The following KCNQ2 variants were observed in gnomAD, a reference collection of about 807,000 sequenced individuals.
The protein encoded by KCNQ2 is potassium voltage-gated channel subfamily KQT member 2.
In KCNQ2, 14 loss-of-function variants were observed where a neutral mutation model predicts 84.8. That is an observed-to-expected ratio of 0.17 (90% CI 0.11 to 0.26). The LOEUF (loss-of-function observed/expected upper bound fraction) is 0.26. Ranked by LOEUF, KCNQ2 falls within the 10% of genes least tolerant of loss-of-function variation. The pLI is 1.00. For synonymous variants in KCNQ2, 599 were observed against 554.1 expected (o/e 1.08, Z -1.14); for missense variants, 788 against 1,254.0 (o/e 0.63, Z 5.61).
At chr20:63,468,086 C>T (rs2062473340) in intron 1 of KCNQ2, among the ~76,000 whole-genome samples, 1 of 152,174 alleles carries the variant, frequency 6.6e-6, no homozygotes, top group African/African-American at 2.4e-5. Context: ...AGTAATTTCA[C>T]TTTAAATTAT....
At chr20:63,434,523 C>G (rs2080930867) in intron 7 of KCNQ2, 1 of 152,324 alleles carries the variant, frequency 6.6e-6, no homozygotes, top group Non-Finnish European at 1.5e-5. Context: ...GCTGTGCGAC[C>G]ACTGCCCCTA....
intron 8 of KCNQ2, among the ~76,000 whole-genome samples, chr20:63,432,152 C>T (rs1341734772): frequency 6.8e-6 from 1 of 146,092 alleles, no homozygotes; most frequent in African/African-American, 2.6e-5. Context: ...ACAGGGAAGG[C>T]CCCACCCTCA....
intron 1 of KCNQ2, among the ~76,000 whole-genome samples, chr20:63,458,757 G>A (rs1337746312): frequency 6.6e-6 from 1 of 152,218 alleles, no homozygotes; most frequent in East Asian, 1.9e-4. Context: ...CCAAGACCCT[G>A]CCCTGGCCAA....
chr20:63,409,332 T>C (rs2080043828), intron 15 of KCNQ2, among the ~76,000 whole-genome samples: 1 of 152,216 alleles, frequency 6.6e-6, no homozygotes. Context: ...TGTGTGTGTG[T>C]AGGATGCAGA....
At chr20:63,426,656 A>C (rs919333993) in intron 10 of KCNQ2, among the ~76,000 whole-genome samples, 2 of 152,094 alleles carry the variant, frequency 1.3e-5, no homozygotes, top group Non-Finnish European at 2.9e-5. Flanking sequence ...ATCCCAGTTC[A>C]TCACTTAAAA....
At chr20:63,468,130 G>A (rs901440211) in intron 1 of KCNQ2, among the ~76,000 whole-genome samples, 10 of 152,182 alleles carry the variant, frequency 6.6e-5, no homozygotes, top group African/African-American at 1.4e-4. Flanking sequence ...GAGGAAGCCC[G>A]AGACCTCCCA....
chr20:63,416,837 CG>C (rs1263901956), intron 12 of KCNQ2, among the ~76,000 whole-genome samples: 1 of 152,154 alleles, frequency 6.6e-6, no homozygotes, highest in Non-Finnish European at 1.5e-5. Context: ...CCTGGACACG[CG>C]GATCGCTTGG....
chr20:63,406,536 CCA>C lies in KCNQ2; in HGVS notation c.*106_*107del. ...GCCCCTCCAGGGCCCACCCTTCCCG[CCA>C]CACTCAGTTACTGTAAGAAAAGGGC... is the stretch of plus-strand genomic sequence containing the variant. On this transcript the variant is annotated 3_prime_UTR_variant, in exon 17 of 17. Transcript: ENST00000359125. 7.5e-7 allele frequency: 1 copy of C among 1,334,124 alleles called. No individual in the cohort carries two copies. Among genetic ancestry groups the C allele is most frequent in the Non-Finnish European group, 9.9e-7 (1 of 1,005,652 alleles). The allele number at this position is 1,334,124 out of a possible 1,614,324, so 82.6% of individuals were successfully genotyped here. A position where few individuals can be genotyped will look rare whatever the true frequency, so the allele number is the denominator to read the frequency against.
chr20:63,408,664 G>A lies in KCNQ2; in HGVS notation c.1764-128C>T. ...AGGCTCAGCCCAGAGCCGACCAGGG[G>A]GCAGTGGGTGCCAGGACAGATGGAC... is the stretch of plus-strand genomic sequence containing the variant. On this transcript the variant is annotated intron_variant, in intron 15 of 16. Coordinates refer to ENST00000359125, the MANE Select transcript of KCNQ2 (RefSeq NM_172107.4). This position sits in a 1 kb window ranked among gnomAD's most constrained non-coding sequence, Gnocchi z 5.0. The A allele has an allele frequency of 1.4e-6, 2 of 1,406,166 alleles. No homozygotes were observed. Among genetic ancestry groups the A allele is most frequent in the Non-Finnish European group, 9.7e-7 (1 of 1,028,454 alleles). 87.1% of individuals were successfully genotyped at this position (1,406,166 alleles called of 1,614,324 possible).
chr20:63,430,083 G>A (rs1478179936), intron 9 of KCNQ2, among the ~76,000 whole-genome samples: 2 of 152,236 alleles, frequency 1.3e-5, no homozygotes, highest in Non-Finnish European at 2.9e-5. Context: ...CCACACGCAC[G>A]CAGGCCCAGG....
chr20:63,444,480 C>A (rs778041399), intron 4 of KCNQ2, among the ~76,000 whole-genome samples, 179 bp downstream of exon 4: 1 of 152,156 alleles, frequency 6.6e-6, no homozygotes, highest in Non-Finnish European at 1.5e-5. Flanking sequence ...GAAGAAGCAC[C>A]GAGAAGAAAG....
At position 63,402,558 on chromosome 20, in the gene KCNQ2, TC is replaced by T. The variant is rs2145452218; in HGVS notation, c.*4085del. On this transcript the variant is annotated 3_prime_UTR_variant, in exon 17 of 17. Transcript: ENST00000359125. ...AGCCCAGCTGGAGTCCTCCTCCCCT[TC>T]TCTCCGGCAGCAGGTCTCTCTGGCA... is the stretch of plus-strand genomic sequence containing the variant. 6.6e-6 allele frequency: 1 copy of T among 152,618 alleles called. No homozygotes were observed. Among genetic ancestry groups the T allele is most frequent in the Admixed American group, 6.5e-5 (1 of 15,310 alleles). 9.5% of individuals were successfully genotyped at this position (152,618 alleles called of 1,614,324 possible).
At chr20:63,442,902 CCACCACCAT>C (rs2081248417) in intron 4 of KCNQ2, among the ~76,000 whole-genome samples, 2 of 24,258 alleles carry the variant, frequency 8.2e-5, no homozygotes, top group East Asian at 1.3e-3. Context: ...ACCACCATCA[CCACCACCAT>C]CACCATCACC....
At chr20:63,420,854 AGTG>A (rs1202814305) in intron 11 of KCNQ2, among the ~76,000 whole-genome samples, 6 of 152,118 alleles carry the variant, frequency 3.9e-5, no homozygotes, top group African/African-American at 1.4e-4. Context: ...GAAGGGATGT[AGTG>A]CAAAGGCTGG....
intron 1 of KCNQ2, among the ~76,000 whole-genome samples, chr20:63,457,334 C>A (rs1237941064): frequency 6.6e-6 from 1 of 152,252 alleles, no homozygotes; most frequent in Non-Finnish European, 1.5e-5. Context: ...GGCCATGGGG[C>A]AGGGACGGGA....
At position 63,406,464 on chromosome 20, in the gene KCNQ2, T is replaced by G; in HGVS notation, c.*180A>C. The G allele has an allele frequency of 1.3e-6, 1 of 749,846 alleles. No homozygotes were observed. The allele number at this position is 749,846 out of a possible 1,614,324, so 46.4% of individuals were successfully genotyped here. ...CTCCAGCCCCTGTTGGAAAATAACT[T>G]TTGTAAAAGGTCACTGCCAGGAGCC... On this transcript the variant is annotated 3_prime_UTR_variant, in exon 17 of 17. Transcript: ENST00000359125.
intron 4 of KCNQ2, among the ~76,000 whole-genome samples, chr20:63,442,775 A>G (rs2081226220): frequency 3.2e-5 from 1 of 31,474 alleles, no homozygotes; most frequent in Admixed American, 3.3e-4. Context: ...CATCACCATC[A>G]CCACCACCAC....
In KCNQ2 at chr20:63,406,962, C is replaced by A; in HGVS notation, c.2301G>T (p.Arg767=). ...GCCTGCAGCCCGGGGTGTCCTCCTG[C>A]CGCAGGAACTCCATGCTGGCGCGGT... ...GGNRASMEFL[R]QEDTPGCRPP... The change falls in exon 17 of 17, where the codon CGG becomes CGT. Residue 767 remains arginine, a synonymous_variant. Transcript: ENST00000359125. 6.4e-7 allele frequency: 1 copy of A among 1,562,776 alleles called. No individual in the cohort carries two copies. Among genetic ancestry groups the A allele is most frequent in the South Asian group, 1.2e-5 (1 of 86,660 alleles).
At chr20:63,409,005 G>A (rs1244937529) in intron 15 of KCNQ2, among the ~76,000 whole-genome samples, 2 of 152,226 alleles carry the variant, frequency 1.3e-5, no homozygotes, top group Non-Finnish European at 2.9e-5. Flanking sequence ...TTACTCCTAC[G>A]TAATGTGCCA....
Sources: allele counts gnomAD v4.1 joint callset (sites outside exome capture counted in the v4.1 genomes callset), GRCh38; gene constraint gnomAD v4.1.1; non-coding constraint Gnocchi (gnomAD v3.1); transcripts MANE v1.5; gene names NCBI Gene and HGNC (gene_info 2026-07-23, HGNC 2026-07-21).